NSA2: variants seen among roughly 807,000 people sequenced by gnomAD.
The protein encoded by NSA2 is NSA2 ribosome biogenesis factor, also known as ribosome biogenesis protein NSA2 homolog.
NSA2 carries 18 observed loss-of-function variants against 34.8 expected under a neutral mutation model. The ratio of observed to expected loss-of-function variants is 0.52; its 90% CI spans 0.36 to 0.77. NSA2 has a LOEUF of 0.77. NSA2 is among the 30% of genes least tolerant of loss of function. NSA2 has a pLI of 0.00. For synonymous variants in NSA2, 79 were observed against 100.2 expected (o/e 0.79, Z 1.26); for missense variants, 188 against 314.7 (o/e 0.60, Z 3.05).
At chr5:74,768,410 A>C (rs1744787824) in intron 1 of NSA2, among the ~76,000 whole-genome samples, 1 of 152,198 alleles carries the variant, frequency 6.6e-6, no homozygotes, top group Non-Finnish European at 1.5e-5. Context: ...AACTGTAGGG[A>C]TAGGTATCAA....
At chr5:74,775,771 G>T (rs1365552611) in intron 5 of NSA2, among the ~76,000 whole-genome samples, 1 of 151,726 alleles carries the variant, frequency 6.6e-6, no homozygotes, top group Non-Finnish European at 1.5e-5. Flanking sequence ...CACTAGATCA[G>T]TAATAATTAA....
chr5:74,778,576 A>AT lies in NSA2; in HGVS notation c.*1905_*1906insT, dbSNP rs1173505166. ...ATTTTAAGTAGAAGACTGACGTTCTAAATCATGCTGTTTGATTTTATAAAA... is the reference window on the plus strand; with the variant it reads ...ATTTTAAGTAGAAGACTGACGTTCTATAATCATGCTGTTTGATTTTATAAAA... On this transcript the variant is annotated 3_prime_UTR_variant, in exon 6 of 6. Coordinates refer to ENST00000610426, the MANE Select transcript of NSA2 (RefSeq NM_014886.6). The AT allele has an allele frequency of 1.4e-5, 2 of 141,754 alleles. No homozygotes were observed. Among genetic ancestry groups the AT allele is most frequent in the Non-Finnish European group, 3.0e-5 (2 of 66,938 alleles). 8.8% of individuals were successfully genotyped at this position (141,754 alleles called of 1,614,324 possible).
intron 4 of NSA2, among the ~76,000 whole-genome samples, chr5:74,771,056 T>G (rs769966109): frequency 2.0e-5 from 3 of 152,148 alleles, no homozygotes; most frequent in Non-Finnish European, 2.9e-5. Context: ...GGTGGGTGGA[T>G]CACCTGAAGT....
rs1745177920 is a variant in NSA2 at position 74,777,489 on chromosome 5, G to C, written c.*818G>C. The stretch of plus-strand genomic sequence containing the variant: ...TGTAAAAAGGTAAGGATTTACGGTT[G>C]TAACTTGGTGAAAGCACTTTTGTGA... On this transcript the variant is annotated 3_prime_UTR_variant, in exon 6 of 6. Coordinates refer to ENST00000610426, the MANE Select transcript of NSA2 (RefSeq NM_014886.6). 1 of 152,120 alleles carries C rather than the reference G, an allele frequency of 6.6e-6. No individual in the cohort carries two copies. Among genetic ancestry groups the C allele is most frequent in the Non-Finnish European group, 1.5e-5 (1 of 67,954 alleles). 9.4% of individuals were successfully genotyped at this position (152,120 alleles called of 1,614,324 possible).
chr5:74,776,875 T>G lies in NSA2; in HGVS notation c.*204T>G. ...CCCCATGTTCATAAAACTGAATGAT[T>G]GAAAAAAAGCAAATATACAAATATC... On this transcript the variant is annotated 3_prime_UTR_variant, in exon 6 of 6. Coordinates refer to ENST00000610426, the MANE Select transcript of NSA2 (RefSeq NM_014886.6). 1 of 403,872 alleles carries G rather than the reference T, an allele frequency of 2.5e-6. No individual in the cohort carries two copies. The highest frequency in any genetic ancestry group is 4.5e-6 in the Non-Finnish European group (1 of 222,666). 25.0% of individuals were successfully genotyped at this position (403,872 alleles called of 1,614,324 possible).
Position 74,769,115 on chromosome 5 carries a change from A to G in NSA2, c.188A>G (p.Lys63Arg). ...CATGCTGAGAAAATACAAATGAAAAAGACGTAAGTGGTCTCATTTATTTGT... is the reference window on the plus strand; with the variant it reads ...CATGCTGAGAAAATACAAATGAAAAGGACGTAAGTGGTCTCATTTATTTGT... The part of the protein sequence containing the change: ...QRHAEKIQMK[K>R]TIKMHEKRNT... Residue 63 changes from lysine (K) to arginine (R), a missense_variant, in exon 2 of 6, where the codon AAG becomes AGG. Physicochemically the swap from Lys to Arg is conservative, Grantham distance 26. Transcript: ENST00000610426. The G allele has an allele frequency of 6.2e-7, 1 of 1,602,710 alleles. No individual in the cohort carries two copies. The highest frequency in any genetic ancestry group is 1.8e-5 in the Admixed American group (1 of 56,848).
At position 74,779,740 on chromosome 5, in the gene NSA2, T is replaced by C. The variant is rs573002798; in HGVS notation, c.*3069T>C. On this transcript the variant is annotated 3_prime_UTR_variant, in exon 6 of 6. Coordinates refer to ENST00000610426, the MANE Select transcript of NSA2 (RefSeq NM_014886.6). ...TTGACTAATTAAAGAAAATATAGGG[T>C]AATACAATTGTTCAAAATCTAACAC... The C allele has an allele frequency of 6.6e-6, 1 of 152,262 alleles. No homozygotes were observed. The highest frequency in any genetic ancestry group is 6.5e-5 in the Admixed American group (1 of 15,300). 9.4% of individuals were successfully genotyped at this position (152,262 alleles called of 1,614,324 possible).
At chr5:74,772,921 A>G (rs913894299) in intron 4 of NSA2, among the ~76,000 whole-genome samples, 7 of 152,174 alleles carry the variant, frequency 4.6e-5, no homozygotes, top group Non-Finnish European at 8.8e-5. Flanking sequence ...CTACACCCTA[A>G]AAGACCTTAT....
intron 3 of NSA2, 125 bp from the exon 4 acceptor site, chr5:74,770,506 C>A: frequency 1.4e-6 from 1 of 716,268 alleles, no homozygotes; most frequent in Non-Finnish European, 2.3e-6. Flanking sequence ...GACGGTTGAG[C>A]CAAAAATGTG....
At position 74,776,759 on chromosome 5, in the gene NSA2, CA is replaced by C. The variant is rs1745144856; in HGVS notation, c.*89del. On this transcript the variant is annotated 3_prime_UTR_variant, in exon 6 of 6. Coordinates refer to ENST00000610426, the MANE Select transcript of NSA2 (RefSeq NM_014886.6). ...ATGTTTCTGAATACTACCAAACAGCCATACATGTCTGCAATGAAGAGATTTA... is the reference window on the plus strand; with the variant it reads ...ATGTTTCTGAATACTACCAAACAGCCTACATGTCTGCAATGAAGAGATTTA... 1 of 727,880 alleles carries C rather than the reference CA, an allele frequency of 1.4e-6. No individual in the cohort carries two copies. Among genetic ancestry groups the C allele is most frequent in the Non-Finnish European group, 2.5e-6 (1 of 400,854 alleles). 45.1% of individuals were successfully genotyped at this position (727,880 alleles called of 1,614,324 possible).
In NSA2 at chr5:74,772,177, T is replaced by C. The variant is rs983056766; in HGVS notation, c.522+1367T>C. Among the ~76,000 whole-genome samples, 42 of 147,014 alleles carry C rather than the reference T, an allele frequency of 2.9e-4. No homozygotes were observed. The East Asian group carries it at 7.7e-3, about 27-fold the overall frequency. The stretch of plus-strand genomic sequence containing the variant: ...TCTCCCTCTGTATCCCAGGCGGGAG[T>C]GCAGTGGCACGATCTCGGCTCACTG... On this transcript the variant is annotated intron_variant, in intron 4 of 5. Transcript: ENST00000610426.
intron 5 of NSA2, among the ~76,000 whole-genome samples, chr5:74,774,991 A>G (rs1745064616): frequency 6.6e-6 from 1 of 151,674 alleles, no homozygotes; most frequent in South Asian, 2.1e-4. Flanking sequence ...TGAGGCGGAC[A>G]GATCATCTGC....
intron 4 of NSA2, among the ~76,000 whole-genome samples, chr5:74,771,958 C>T (rs1744948715): frequency 6.6e-6 from 1 of 151,898 alleles, no homozygotes; most frequent in East Asian, 1.9e-4. Flanking sequence ...AATGTGACCC[C>T]AAACTTCCCC....
At chr5:74,772,077 G>A (rs2112418385) in intron 4 of NSA2, among the ~76,000 whole-genome samples, 1 of 151,486 alleles carries the variant, frequency 6.6e-6, no homozygotes, top group Admixed American at 6.6e-5. Context: ...AAGTATCAGA[G>A]AGAGGAAAGT....
At chr5:74,772,893 G>C (rs1449722986) in intron 4 of NSA2, among the ~76,000 whole-genome samples, 1 of 152,152 alleles carries the variant, frequency 6.6e-6, no homozygotes, top group Non-Finnish European at 1.5e-5. Flanking sequence ...ACTGCAAAAT[G>C]TTGTGACGTT....
In NSA2 at chr5:74,776,588, G is replaced by A; in HGVS notation, c.716-16G>A. ...ACAACCCTCCCTTTTCCCTTTTTTGGTTTTGTTTTCCTTAGGAAAATATGC... is the reference window on the plus strand; with the variant it reads ...ACAACCCTCCCTTTTCCCTTTTTTGATTTTGTTTTCCTTAGGAAAATATGC... On this transcript the variant is annotated splice_polypyrimidine_tract_variant and intron_variant, in intron 5 of 5. Transcript: ENST00000610426. The A allele has an allele frequency of 7.4e-6, 11 of 1,480,290 alleles. No homozygotes were observed. The highest frequency in any genetic ancestry group is 8.5e-6 in the Non-Finnish European group (9 of 1,062,396). 91.7% of individuals were successfully genotyped at this position (1,480,290 alleles called of 1,614,324 possible).
At chr5:74,767,581 G>A (rs1023502441) in intron 1 of NSA2, among the ~76,000 whole-genome samples, 1 of 152,202 alleles carries the variant, frequency 6.6e-6, no homozygotes, top group Non-Finnish European at 1.5e-5. Context: ...TTTGGAGCAA[G>A]ATTTTACTCT....
chr5:74,772,627 G>T (rs1181298093), intron 4 of NSA2, among the ~76,000 whole-genome samples: 1 of 152,012 alleles, frequency 6.6e-6, no homozygotes, highest in Non-Finnish European at 1.5e-5. Flanking sequence ...TGCCCACCCC[G>T]GATTATATCA....
At chr5:74,772,846 A>AT (rs137953331) in intron 4 of NSA2, among the ~76,000 whole-genome samples, 3,699 of 152,122 alleles carry the variant, frequency 0.024, 145 homozygotes, top group African/African-American at 0.083. Flanking sequence ...TGATTTAGTG[A>AT]TTTTTTCCCC....
Sources: gnomAD v4.1 joint callset for allele counts (sites outside exome capture counted in the v4.1 genomes callset) on GRCh38, gnomAD v4.1.1 for gene constraint, MANE v1.5 for transcripts, NCBI Gene and HGNC (gene_info 2026-07-23, HGNC 2026-07-21) for gene names.